Variants in JAZF1 observed in about 807,000 individuals in gnomAD.
JAZF1 encodes JAZF zinc finger 1.
In JAZF1, 8 loss-of-function variants were observed where a neutral mutation model predicts 26.4. That is an observed-to-expected ratio of 0.30 (90% CI 0.18 to 0.55). The LOEUF (loss-of-function observed/expected upper bound fraction) is 0.55, where lower values mean the gene tolerates loss of function less well. Among genes scored for constraint, JAZF1 ranks in the 20% least tolerant of loss-of-function variants. The pLI is 0.94. For synonymous variants in JAZF1, 126 were observed against 122.3 expected (o/e 1.03, Z -0.20); for missense variants, 199 against 322.0 (o/e 0.62, Z 2.92).
intron 1 of JAZF1, among the ~76,000 whole-genome samples, chr7:28,174,320 T>C (rs1285648424): frequency 2.0e-5 from 3 of 152,208 alleles, no homozygotes; most frequent in Admixed American, 2.0e-4. Context: ...CATTGTCTCC[T>C]GTCTCTCAGA....
chr7:27,892,087 A>G (rs1783983827), intron 3 of JAZF1, among the ~76,000 whole-genome samples: 1 of 152,256 alleles, frequency 6.6e-6, no homozygotes, highest in Non-Finnish European at 1.5e-5. Flanking sequence ...CCTGGCAATG[A>G]AAGTGACTGA....
chr7:28,074,045 A>C (rs756182791), intron 1 of JAZF1, among the ~76,000 whole-genome samples: 11 of 150,856 alleles, frequency 7.3e-5, no homozygotes, highest in Non-Finnish European at 1.6e-4. Context: ...CTTATGCTTT[A>C]TTATAAAATT....
At chr7:27,978,885 G>A (rs1785522582) in intron 2 of JAZF1, among the ~76,000 whole-genome samples, 4 of 151,720 alleles carry the variant, frequency 2.6e-5, no homozygotes, top group Admixed American at 2.6e-4. Context: ...GTGTGTATGT[G>A]TGTGTGTTTT....
chr7:27,941,225 T>C (rs531232735), intron 2 of JAZF1, among the ~76,000 whole-genome samples: 11 of 152,334 alleles, frequency 7.2e-5, no homozygotes, highest in Admixed American at 2.6e-4. Flanking sequence ...GAATAAGATT[T>C]CAAGCTTTAA....
At chr7:28,144,176 T>A (rs1782994635) in intron 1 of JAZF1, among the ~76,000 whole-genome samples, 1 of 152,162 alleles carries the variant, frequency 6.6e-6, no homozygotes, top group South Asian at 2.1e-4. Flanking sequence ...AATTTTAAGA[T>A]AAGGGAATTC....
At chr7:27,902,002 G>T (rs1784169282) in intron 2 of JAZF1, among the ~76,000 whole-genome samples, 1 of 152,154 alleles carries the variant, frequency 6.6e-6, no homozygotes, top group South Asian at 2.1e-4. Context: ...GCAATTTTGA[G>T]ATCTCCAAAG....
intron 1 of JAZF1, among the ~76,000 whole-genome samples, chr7:28,170,806 C>T (rs1188218382): frequency 1.3e-5 from 2 of 152,186 alleles, no homozygotes; most frequent in Non-Finnish European, 2.9e-5. Context: ...AAGATCACAA[C>T]TTAGGCTGTA....
chr7:28,145,233 C>G (rs1333428763), intron 1 of JAZF1, among the ~76,000 whole-genome samples: 1 of 152,188 alleles, frequency 6.6e-6, no homozygotes, highest in Non-Finnish European at 1.5e-5. Context: ...GAAAAGGTAA[C>G]TAAAATGTCC....
chr7:27,875,956 G>A (rs1405400189), intron 3 of JAZF1, among the ~76,000 whole-genome samples: 2 of 152,266 alleles, frequency 1.3e-5, no homozygotes, highest in East Asian at 1.9e-4. Flanking sequence ...AGGCAGCAGA[G>A]GAGAGCACTC....
intron 1 of JAZF1, among the ~76,000 whole-genome samples, chr7:28,176,694 G>T (rs1161903381): frequency 6.6e-6 from 1 of 151,876 alleles, no homozygotes; most frequent in Non-Finnish European, 1.5e-5. Flanking sequence ...CATAAACTAG[G>T]GACTCAATAT....
chr7:28,140,005 T>C (rs59839521), intron 1 of JAZF1, among the ~76,000 whole-genome samples: 1 of 151,938 alleles, frequency 6.6e-6, no homozygotes, highest in African/African-American at 2.4e-5. Context: ...CTAGAAAAGG[T>C]TGCAGAAAGA....
Position 28,178,162 on chromosome 7 carries a change from A to C in JAZF1, c.115+2301T>G, listed in dbSNP as rs905609075. Among the ~76,000 whole-genome samples the C allele has an allele frequency of 2.6e-5, 4 of 152,198 alleles. No individual in the cohort carries two copies. In the East Asian group the frequency reaches 7.7e-4, roughly 29 times the overall value. ...GGACAACACTAGCCTTCTGGGAATG[A>C]GGTAGCATTACTTCAAAGCTGAGTT... On this transcript the variant is annotated intron_variant, in intron 1 of 4. Coordinates refer to ENST00000283928, the MANE Select transcript of JAZF1 (RefSeq NM_175061.4).
At chr7:28,087,884 A>T (rs551191446) in intron 1 of JAZF1, among the ~76,000 whole-genome samples, 7 of 152,358 alleles carry the variant, frequency 4.6e-5, no homozygotes, top group African/African-American at 1.7e-4. Context: ...AGTCAAAATC[A>T]GTATTCTTGT....
chr7:27,851,782 G>A (rs1783155537), intron 3 of JAZF1, among the ~76,000 whole-genome samples: 1 of 152,168 alleles, frequency 6.6e-6, no homozygotes, highest in African/African-American at 2.4e-5. Context: ...TGGTTCTAAA[G>A]AGCTGAATTA....
chr7:28,002,308 A>C (rs1782613159), intron 1 of JAZF1, among the ~76,000 whole-genome samples: 1 of 152,256 alleles, frequency 6.6e-6, no homozygotes, highest in Non-Finnish European at 1.5e-5. Context: ...ATTTCCCAAA[A>C]GATGACTATG....
chr7:27,982,573 G>A (rs546197061), intron 2 of JAZF1, among the ~76,000 whole-genome samples: 3 of 152,172 alleles, frequency 2.0e-5, no homozygotes, highest in Non-Finnish European at 4.4e-5. Context: ...AGACTTAAAC[G>A]TCCCTGTCTG....
At chr7:28,114,003 T>G (rs1161237971) in intron 1 of JAZF1, among the ~76,000 whole-genome samples, 1 of 152,250 alleles carries the variant, frequency 6.6e-6, no homozygotes, top group Non-Finnish European at 1.5e-5. Flanking sequence ...TAATTTTTCC[T>G]TCCAAAAATC....
chr7:27,902,347 T>C (rs1784179265), intron 2 of JAZF1, among the ~76,000 whole-genome samples: 1 of 152,258 alleles, frequency 6.6e-6, no homozygotes. Context: ...CTACATGTGA[T>C]ATACTCTGTC....
At chr7:28,167,192 AG>A (rs1783382645) in intron 1 of JAZF1, among the ~76,000 whole-genome samples, 1 of 152,210 alleles carries the variant, frequency 6.6e-6, no homozygotes, top group Non-Finnish European at 1.5e-5. Context: ...AAGTTGGCCA[AG>A]GTCACGTAGC....
Sources: allele counts gnomAD v4.1 joint callset (sites outside exome capture counted in the v4.1 genomes callset), GRCh38; gene constraint gnomAD v4.1.1; transcripts MANE v1.5; gene names NCBI Gene and HGNC (gene_info 2026-07-23, HGNC 2026-07-21).